FAM193A: variants seen among roughly 807,000 people sequenced by gnomAD.
The protein encoded by FAM193A is protein FAM193A.
Under a neutral mutation model 126.5 loss-of-function variants are expected in FAM193A, and 22 were observed. That is an observed-to-expected ratio of 0.17 (90% CI 0.12 to 0.25). FAM193A has a LOEUF of 0.25. FAM193A is among the 10% of genes least tolerant of loss of function. FAM193A has a pLI of 1.00. For synonymous variants in FAM193A, 761 were observed against 646.8 expected (o/e 1.18, Z -2.68); for missense variants, 1,675 against 1,672.8 (o/e 1.00, Z -0.02).
chr4:2,557,085 T>C (rs1276478023), intron 1 of FAM193A, among the ~76,000 whole-genome samples: 1 of 152,176 alleles, frequency 6.6e-6, no homozygotes, highest in African/African-American at 2.4e-5. Context: ...TTCCTATATA[T>C]AGTACCTTTA....
At chr4:2,603,767 A>C (rs919413600) in intron 2 of FAM193A, among the ~76,000 whole-genome samples, 1 of 151,704 alleles carries the variant, frequency 6.6e-6, no homozygotes, top group Non-Finnish European at 1.5e-5. Flanking sequence ...ATTATTTTCT[A>C]GTTTTTATTA....
At chr4:2,649,136 G>A (rs1342880956) in intron 7 of FAM193A, among the ~76,000 whole-genome samples, 1 of 152,208 alleles carries the variant, frequency 6.6e-6, no homozygotes, top group African/African-American at 2.4e-5. Flanking sequence ...CACTTTGGGA[G>A]GCTAAGGTGG....
chr4:2,682,732 C>T (rs997260108), intron 13 of FAM193A, among the ~76,000 whole-genome samples: 1 of 152,064 alleles, frequency 6.6e-6, no homozygotes, highest in Non-Finnish European at 1.5e-5. Context: ...AATCTGAGTC[C>T]TTTTTCAACT....
chr4:2,699,883 C>G lies in FAM193A; in HGVS notation c.3711C>G (p.Pro1237=), dbSNP rs764274992. The change falls in exon 19 of 21, where the codon CCC becomes CCG. Residue 1237 remains proline, a synonymous_variant. Coordinates refer to ENST00000637812, the MANE Select transcript of FAM193A (RefSeq NM_001366318.2). ...KKKERPSKDC[P]KLDMLTRNFQ... ...AGGAGAGGCCAAGTAAAGACTGCCC[C>G]AAGTTGGACATGCTCACTAGAAATT... The G allele has an allele frequency of 6.2e-7, 1 of 1,614,042 alleles. No homozygotes were observed. Among genetic ancestry groups the G allele is most frequent in the South Asian group, 1.1e-5 (1 of 91,080 alleles).
chr4:2,690,800 A>T lies in FAM193A; in HGVS notation c.2633A>T (p.Lys878Met). 1 of 1,614,184 alleles carries T rather than the reference A, an allele frequency of 6.2e-7. No individual in the cohort carries two copies. Among genetic ancestry groups the T allele is most frequent in the Non-Finnish European group, 8.5e-7 (1 of 1,180,010 alleles). Residue 878 changes from lysine to methionine, a missense_variant, in exon 15 of 21, where the codon AAG becomes ATG. By Grantham distance (95) the Lys-to-Met change is moderately conservative (BLOSUM62 -1). This residue lies in a region of FAM193A where 1,186 missense variants were observed against 1,109.2 expected (regional missense o/e 1.07). Transcript: ENST00000637812. Reference sequence around the variant, plus strand: ...GCAGTCTCGGATAGTAAAGAGAAAAAGAATGCTGCAAAAAAGAAATGTTTA... The same window carrying T: ...GCAGTCTCGGATAGTAAAGAGAAAATGAATGCTGCAAAAAAGAAATGTTTA... ...TPAVSDSKEK[K>M]NAAKKKCLYN...
chr4:2,694,921 G>C (rs1406376571), intron 16 of FAM193A, 25 bp from the exon 17 acceptor site: 1 of 1,564,220 alleles, frequency 6.4e-7, no homozygotes, highest in Non-Finnish European at 8.6e-7. Context: ...GCCACTTGCT[G>C]ATGAGCTTGT....
At chr4:2,604,886 C>G (rs975953075) in intron 2 of FAM193A, among the ~76,000 whole-genome samples, 3 of 149,286 alleles carry the variant, frequency 2.0e-5, no homozygotes, top group African/African-American at 7.4e-5. Flanking sequence ...CAGCCTCGAC[C>G]TCCTGGGCTC....
intron 19 of FAM193A, among the ~76,000 whole-genome samples, chr4:2,712,746 A>G (rs888229750): frequency 3.3e-5 from 5 of 152,122 alleles, no homozygotes; most frequent in South Asian, 2.1e-4. Flanking sequence ...TTTTCTATTT[A>G]CTGTTTTGTT....
At chr4:2,725,639 T>A (rs1720659564) in intron 20 of FAM193A, among the ~76,000 whole-genome samples, 3 of 151,926 alleles carry the variant, frequency 2.0e-5, no homozygotes, top group Non-Finnish European at 4.4e-5. Flanking sequence ...GGATAACTCA[T>A]ATCCTGTAGT....
chr4:2,658,176 T>C (rs34218188), intron 8 of FAM193A, among the ~76,000 whole-genome samples: 4,951 of 152,226 alleles, frequency 0.033, 100 homozygotes, highest in South Asian at 0.076. Flanking sequence ...GTCCCCACAG[T>C]CCCCTATGAG....
chr4:2,600,212 G>A (rs1010999293), intron 2 of FAM193A, among the ~76,000 whole-genome samples: 3 of 152,094 alleles, frequency 2.0e-5, no homozygotes, highest in African/African-American at 4.8e-5. Flanking sequence ...ATAGTTCTTT[G>A]ACCTCATCCA....
At chr4:2,637,289 T>C (rs1306425296) in intron 5 of FAM193A, among the ~76,000 whole-genome samples, 2 of 152,158 alleles carry the variant, frequency 1.3e-5, no homozygotes, top group African/African-American at 4.8e-5. Context: ...ATTACACCAC[T>C]GCACTCCAGC....
chr4:2,581,235 C>G (rs999118412), intron 1 of FAM193A, among the ~76,000 whole-genome samples: 3 of 150,244 alleles, frequency 2.0e-5, no homozygotes, highest in Non-Finnish European at 3.0e-5. Context: ...TTCTCTCTTC[C>G]TGAAATATTT....
intron 7 of FAM193A, among the ~76,000 whole-genome samples, chr4:2,652,198 A>G (rs570315825): frequency 1.3e-5 from 2 of 152,306 alleles, no homozygotes; most frequent in East Asian, 1.9e-4. Context: ...CCTGTCAACA[A>G]AGATGACTTG....
At chr4:2,727,977 C>A (rs903866680) in intron 20 of FAM193A, among the ~76,000 whole-genome samples, 2 of 151,140 alleles carry the variant, frequency 1.3e-5, no homozygotes, top group Non-Finnish European at 2.9e-5. Flanking sequence ...TGGAGTTTTG[C>A]TCTAGTTGCC....
chr4:2,541,116 C>G (rs1238973664), intron 1 of FAM193A, among the ~76,000 whole-genome samples: 3 of 151,716 alleles, frequency 2.0e-5, no homozygotes, highest in Non-Finnish European at 2.9e-5. Flanking sequence ...ACTAAAAATA[C>G]AAAATTAACT....
At chr4:2,621,332 T>C (rs973111688) in intron 2 of FAM193A, among the ~76,000 whole-genome samples, 12 of 152,100 alleles carry the variant, frequency 7.9e-5, no homozygotes, top group Non-Finnish European at 1.5e-5. Flanking sequence ...AAAAAATTAA[T>C]TGACTCAACC....
At chr4:2,716,362 C>A (rs1719533553) in intron 20 of FAM193A, among the ~76,000 whole-genome samples, 1 of 152,142 alleles carries the variant, frequency 6.6e-6, no homozygotes, top group Non-Finnish European at 1.5e-5. Context: ...TTCCCCCCCA[C>A]CCTTCCCCGC....
At chr4:2,718,427 A>T (rs1030341288) in intron 20 of FAM193A, among the ~76,000 whole-genome samples, 1 of 36,558 alleles carries the variant, frequency 2.7e-5, no homozygotes, top group African/African-American at 1.3e-4. Flanking sequence ...GTCAGTAATT[A>T]AAAAAAAAAA....
Sources: allele counts gnomAD v4.1 joint callset (sites outside exome capture counted in the v4.1 genomes callset), GRCh38; gene constraint gnomAD v4.1.1; regional missense constraint gnomAD v4.1.1; transcripts MANE v1.5; gene names NCBI Gene and HGNC (gene_info 2026-07-23, HGNC 2026-07-21).